GNL3L: variants seen among roughly 807,000 people sequenced by gnomAD.
The protein encoded by GNL3L is guanine nucleotide-binding protein-like 3-like protein.
In GNL3L, 4 loss-of-function variants were observed where a neutral mutation model predicts 42.9. That is an observed-to-expected ratio of 0.09 (90% CI 0.05 to 0.21). GNL3L has a LOEUF of 0.21. Among genes scored for constraint, GNL3L ranks in the 10% least tolerant of loss-of-function variants. The pLI is 1.00. For missense variants in GNL3L, 412 were observed against 481.7 expected, an observed-to-expected ratio of 0.86 and a Z score of 1.36; for synonymous variants, 159 against 176.3, an observed-to-expected ratio of 0.90 and a Z score of 0.78.
At chrX:54,585,781 T>G (rs1461221466) in intron 16 of GNL3L, among the ~76,000 whole-genome samples, 1 of 112,060 alleles carries the variant, frequency 8.9e-6, no homozygotes, top group Non-Finnish European at 1.9e-5. Flanking sequence ...TTCTACTTTT[T>G]GGCCTCAGTT....
chrX:54,624,103 G>A (rs778604419), downstream of GNL3L, among the ~76,000 whole-genome samples: 1 of 110,900 alleles, frequency 9.0e-6, no homozygotes, highest in African/African-American at 3.3e-5. Context: ...GTAGTTTTTG[G>A]AGAGACGGGG....
intron 16 of GNL3L, among the ~76,000 whole-genome samples, chrX:54,607,792 G>A (rs1393715086): frequency 3.6e-5 from 4 of 111,757 alleles, no homozygotes; most frequent in African/African-American, 1.3e-4. Flanking sequence ...TTTACATGAG[G>A]AGTCATGTAT....
chrX:54,604,674 CAA>C (rs1359915794), intron 16 of GNL3L, among the ~76,000 whole-genome samples: 1 of 111,455 alleles, frequency 9.0e-6, no homozygotes, highest in African/African-American at 3.3e-5. Flanking sequence ...CAAACAAAAA[CAA>C]AACAAAACAG....
the GNL3L span, among the ~76,000 whole-genome samples, chrX:54,640,603 C>T: frequency 1.8e-5 from 2 of 112,456 alleles, no homozygotes; most frequent in African/African-American, 6.5e-5. Context: ...AAATATATCT[C>T]TGCAAGGAAT....
intron 14 of GNL3L, among the ~76,000 whole-genome samples, chrX:54,557,093 G>A (rs751410480): frequency 5.5e-5 from 6 of 108,192 alleles, no homozygotes; most frequent in African/African-American, 2.0e-4. Context: ...GAGGCAGGAG[G>A]ATTGCTTGAA....
Position 54,548,347 on chromosome X carries a change from G to A in GNL3L, c.749G>A (p.Arg250His), listed in dbSNP as rs754411514. The change falls in exon 9 of 16, where the codon CGC (arginine) becomes CAC (histidine). Residue 250 changes from arginine to histidine, a missense_variant. By Grantham distance (29) the Arg-to-His change is conservative. Coordinates refer to ENST00000360845, the MANE Select transcript of GNL3L (RefSeq NM_001184819.2). ...LGNYCRLGEVRTHIRVGVVGL... is the reference protein window; with the variant it reads ...LGNYCRLGEVHTHIRVGVVGL... ...AACTATTGCCGCCTTGGTGAAGTGC[G>A]CACCCACATTCGTGTGGGTGTTGTG... 2.4e-5 allele frequency: 29 copies of A among 1,201,849 alleles called. No individual in the cohort carries two copies. The East Asian group carries it at 3.6e-4, about 15-fold the overall frequency.
At chrX:54,538,891 C>T (rs1346531739) in intron 2 of GNL3L, 149 bp from the exon 3 acceptor site, 14 of 411,592 alleles carry the variant, frequency 3.4e-5, no homozygotes, top group Admixed American at 1.3e-4. Flanking sequence ...TGCTGCCATC[C>T]GCATCTCTTG....
chrX:54,624,438 C>CTTT (rs761943977), downstream of GNL3L, among the ~76,000 whole-genome samples: 1 of 82,472 alleles, frequency 1.2e-5, no homozygotes, highest in Non-Finnish European at 2.3e-5. Flanking sequence ...TTTTCTTTTT[C>CTTT]TTTTTTTTTT....
At chrX:54,543,068 C>T (rs376817364) in intron 6 of GNL3L, 30 bp downstream of exon 6, 10 of 1,084,402 alleles carry the variant, frequency 9.2e-6, no homozygotes, top group South Asian at 3.7e-5. Context: ...CAGGCTTTTG[C>T]GGGAGGGTTC....
intron 16 of GNL3L, among the ~76,000 whole-genome samples, chrX:54,600,182 T>C (rs1261186676): frequency 2.0e-5 from 2 of 102,082 alleles, no homozygotes; most frequent in Non-Finnish European, 4.0e-5. Context: ...GTTATGAGAC[T>C]CTAGATTTTA....
intron 16 of GNL3L, among the ~76,000 whole-genome samples, chrX:54,615,096 G>A (rs1026994599): frequency 8.9e-6 from 1 of 111,818 alleles, no homozygotes; most frequent in Non-Finnish European, 1.9e-5. Flanking sequence ...ACAGCATCTG[G>A]AAACTACCAA....
In GNL3L at chrX:54,551,640, C is replaced by T. The variant is rs1404689639; in HGVS notation, c.936C>T (p.Asn312=). The T allele has an allele frequency of 1.7e-6, 2 of 1,208,945 alleles. No individual in the cohort carries two copies. Among genetic ancestry groups the T allele is most frequent in the African/African-American group, 3.5e-5 (2 of 57,273 alleles). ...CTCCAGGCATTGTCCCAGGGCCCAA[C>T]TCAGAGGTGGGCACCATCCTGCGTA... ...LDAPGIVPGP[N]SEVGTILRNC... The change falls in exon 11 of 16, where the codon AAC becomes AAT. Residue 312 remains asparagine, a synonymous_variant. Coordinates refer to ENST00000360845, the MANE Select transcript of GNL3L (RefSeq NM_001184819.2).
chrX:54,594,233 C>CT (rs1427497480), intron 16 of GNL3L, among the ~76,000 whole-genome samples: 1 of 111,427 alleles, frequency 9.0e-6, no homozygotes, highest in Non-Finnish European at 1.9e-5. Context: ...GTATTGGAGT[C>CT]TATCTGTCTT....
In GNL3L at chrX:54,566,477, A is replaced by G. The variant is rs1268121975; in HGVS notation, c.*5875A>G. Among the ~76,000 whole-genome samples the G allele has an allele frequency of 9.0e-6, 1 of 110,908 alleles. No homozygotes were observed. The highest frequency in any genetic ancestry group is 1.9e-5 in the Non-Finnish European group (1 of 52,920). On this transcript the variant is annotated 3_prime_UTR_variant, in exon 16 of 16. Transcript: ENST00000360845. ...GTACTTATTAAACAATAACCTCCCA[A>G]CCCCTTCTGCCCACAACCTCTGGCG... is the stretch of plus-strand genomic sequence containing the variant.
At chrX:54,642,860 G>A in the GNL3L span, among the ~76,000 whole-genome samples, 200 of 111,790 alleles carry the variant, frequency 1.8e-3, no homozygotes, top group African/African-American at 6.3e-3. Flanking sequence ...TGTATCCTGA[G>A]GATCTAAAAC....
At chrX:54,614,106 G>T (rs1309764329) in intron 16 of GNL3L, among the ~76,000 whole-genome samples, 1 of 110,676 alleles carries the variant, frequency 9.0e-6, no homozygotes, top group Non-Finnish European at 1.9e-5. Flanking sequence ...CTGTGGGTCT[G>T]TGGAGGGTGG....
downstream of GNL3L, among the ~76,000 whole-genome samples, chrX:54,624,342 G>C (rs955266221): frequency 1.8e-5 from 2 of 111,223 alleles, no homozygotes; most frequent in African/African-American, 6.5e-5. Context: ...TAGGCTGGGT[G>C]GCTTAAACAA....
chrX:54,539,745 G>C (rs1011765937), intron 3 of GNL3L, among the ~76,000 whole-genome samples: 2 of 111,492 alleles, frequency 1.8e-5, no homozygotes, highest in African/African-American at 6.5e-5. Flanking sequence ...GCTGGTCTGA[G>C]GACCACTCTT....
At chrX:54,631,089 G>A in the GNL3L span, among the ~76,000 whole-genome samples, 1 of 110,868 alleles carries the variant, frequency 9.0e-6, no homozygotes, top group Non-Finnish European at 1.9e-5. Context: ...TTACAGGCAT[G>A]AGCCACCTCT....
Sources: gnomAD v4.1 joint callset for allele counts (sites outside exome capture counted in the v4.1 genomes callset) on GRCh38, gnomAD v4.1.1 for gene constraint, MANE v1.5 for transcripts, NCBI Gene and HGNC (gene_info 2026-07-23, HGNC 2026-07-21) for gene names.